COG5: variants seen among roughly 807,000 people sequenced by gnomAD.
The protein encoded by COG5 is component of oligomeric golgi complex 5.
COG5 carries 86 observed loss-of-function variants against 110.4 expected under a neutral mutation model. That is an observed-to-expected ratio of 0.78 (90% CI 0.65 to 0.93). The LOEUF (loss-of-function observed/expected upper bound fraction) is 0.93, where lower values mean the gene tolerates loss of function less well. COG5 is among the 40% of genes least tolerant of loss of function. The probability of loss-of-function intolerance (pLI) is 0.00; values close to 1 mark genes in which losing one functional copy is unlikely to be tolerated. For synonymous variants in COG5, 360 were observed against 334.6 expected (o/e 1.08, Z -0.83); for missense variants, 1,077 against 987.0 (o/e 1.09, Z -1.22).
At chr7:107,345,544 G>A (rs746298889) in intron 10 of COG5, among the ~76,000 whole-genome samples, 1 of 152,026 alleles carries the variant, frequency 6.6e-6, no homozygotes, top group Non-Finnish European at 1.5e-5. Flanking sequence ...AGTAGTGTTC[G>A]CCAGGGGAAA....
intron 6 of COG5, among the ~76,000 whole-genome samples, chr7:107,436,975 A>G (rs1794406939): frequency 6.6e-6 from 1 of 152,230 alleles, no homozygotes; most frequent in Non-Finnish European, 1.5e-5. Flanking sequence ...TAAGTAAGAC[A>G]TTTCAATGAC....
intron 7 of COG5, among the ~76,000 whole-genome samples, chr7:107,395,447 C>T (rs1460651702): frequency 2.0e-5 from 3 of 149,566 alleles, no homozygotes; most frequent in African/African-American, 7.4e-5. Flanking sequence ...CTATCTTTCA[C>T]TGTATAGACA....
intron 10 of COG5, among the ~76,000 whole-genome samples, chr7:107,349,448 G>T (rs1811932027): frequency 6.6e-6 from 1 of 152,108 alleles, no homozygotes; most frequent in African/African-American, 2.4e-5. Context: ...GCCCAGGCTG[G>T]AGTGCAGTGG....
chr7:107,351,576 T>G (rs561362550), intron 10 of COG5, among the ~76,000 whole-genome samples: 1 of 152,198 alleles, frequency 6.6e-6, no homozygotes, highest in East Asian at 1.9e-4. Flanking sequence ...AAAGGGCTAA[T>G]ATCTAGAATC....
chr7:107,364,373 T>A lies in COG5; in HGVS notation c.836-1953A>T, dbSNP rs184082945. On this transcript the variant is annotated intron_variant, in intron 8 of 21. Transcript: ENST00000297135. ...ATGATCCCTGATTGGTTTCATTGGT[T>A]TCAGTCAGGGGAAATCAACTTACAT... 2.2e-3 allele frequency among the ~76,000 whole-genome samples: 334 copies of A among 152,302 alleles called. 1 individual carries two copies. Among genetic ancestry groups the A allele is most frequent in the Non-Finnish European group, 4.1e-3 (281 of 68,014 alleles).
chr7:107,365,061 G>C (rs1022412225), intron 8 of COG5, among the ~76,000 whole-genome samples: 3 of 151,930 alleles, frequency 2.0e-5, no homozygotes, highest in African/African-American at 7.3e-5. Context: ...TCAAATTCCT[G>C]GAATATGTAT....
chr7:107,296,888 T>A (rs555214979), intron 12 of COG5, among the ~76,000 whole-genome samples: 1 of 152,226 alleles, frequency 6.6e-6, no homozygotes, highest in Non-Finnish European at 1.5e-5. Context: ...AAACTGCTAC[T>A]GCTTTAGCCA....
At chr7:107,315,142 T>A (rs1437742380) in intron 11 of COG5, among the ~76,000 whole-genome samples, 1 of 149,850 alleles carries the variant, frequency 6.7e-6, no homozygotes, top group Non-Finnish European at 1.5e-5. Flanking sequence ...GATCTCAACT[T>A]GCATACTATT....
chr7:107,296,505 T>C (rs2116905046), intron 12 of COG5, among the ~76,000 whole-genome samples: 1 of 152,006 alleles, frequency 6.6e-6, no homozygotes, highest in African/African-American at 2.4e-5. Context: ...TATAAAAGAG[T>C]TATTGAGAAG....
intron 6 of COG5, among the ~76,000 whole-genome samples, chr7:107,476,685 A>G (rs1389006005): frequency 6.6e-6 from 1 of 151,758 alleles, no homozygotes. Flanking sequence ...AAATTTAGCA[A>G]TAAGTTATTT....
intron 14 of COG5, among the ~76,000 whole-genome samples, chr7:107,275,811 A>G (rs1804660693): frequency 6.6e-6 from 1 of 151,970 alleles, no homozygotes. Context: ...GGCATGAGCC[A>G]CCATACCTGG....
chr7:107,289,680 T>C (rs1236996713), intron 12 of COG5, among the ~76,000 whole-genome samples: 1 of 152,188 alleles, frequency 6.6e-6, no homozygotes, highest in Non-Finnish European at 1.5e-5. Context: ...TTGAACAATA[T>C]TTTACAGTTT....
At chr7:107,236,401 G>A (rs749081518) in intron 18 of COG5, 49 bp downstream of exon 18, 1 of 1,291,570 alleles carries the variant, frequency 7.7e-7, no homozygotes, top group Non-Finnish European at 1.1e-6. Flanking sequence ...TTTAATAGAT[G>A]ATATTGAGGC....
intron 6 of COG5, among the ~76,000 whole-genome samples, chr7:107,434,479 A>G (rs929571492): frequency 6.6e-6 from 1 of 152,224 alleles, no homozygotes; most frequent in African/African-American, 2.4e-5. Context: ...CACTGGGTAC[A>G]GTGTGTACAC....
chr7:107,508,992 C>G (rs1040383520), intron 6 of COG5, among the ~76,000 whole-genome samples: 1 of 152,180 alleles, frequency 6.6e-6, no homozygotes, highest in Non-Finnish European at 1.5e-5. Flanking sequence ...CAGAGCGCCT[C>G]TCCTCCTCCA....
Position 107,474,580 on chromosome 7 carries a change from A to G in COG5, c.538+52657T>C, listed in dbSNP as rs1262602276. 5 of 1,610,422 alleles carry G rather than the reference A, an allele frequency of 3.1e-6. No individual in the cohort carries two copies. The highest frequency in any genetic ancestry group is 4.2e-6 in the Non-Finnish European group (5 of 1,178,364). ...GATTTTTTCTTTTTTCTCTTTCCTG[A>G]TTCCTTTTATTGAGGTAAATTTTTT... On this transcript the variant is annotated intron_variant, in intron 6 of 21. Coordinates refer to ENST00000297135, the MANE Select transcript of COG5 (RefSeq NM_006348.5). The surrounding 1 kb of genome is among the most constrained non-coding windows in gnomAD (Gnocchi z 5.7).
chr7:107,514,713 A>C (rs1443563441), intron 6 of COG5, among the ~76,000 whole-genome samples: 1 of 152,220 alleles, frequency 6.6e-6, no homozygotes, highest in Admixed American at 6.5e-5. Context: ...TGTTTTGTTC[A>C]GTGTCTTGTG....
At chr7:107,209,846 G>A in intron 21 of COG5, 1 of 985,640 alleles carries the variant, frequency 1.0e-6, no homozygotes, top group Non-Finnish European at 1.2e-6. Flanking sequence ...GTCAACTGTA[G>A]CTAAAGCTAC....
intron 21 of COG5, among the ~76,000 whole-genome samples, 163 bp from the exon 22 acceptor site, chr7:107,203,793 T>TGTTACTATG (rs1289680031): frequency 6.6e-6 from 1 of 152,234 alleles, no homozygotes; most frequent in Admixed American, 6.5e-5. Context: ...TTACTGGTAG[T>TGTTACTATG]GTTACTATGG....
Sources: gnomAD v4.1 joint callset for allele counts (sites outside exome capture counted in the v4.1 genomes callset) on GRCh38, gnomAD v4.1.1 for gene constraint, Gnocchi (gnomAD v3.1) non-coding constraint, MANE v1.5 for transcripts, NCBI Gene and HGNC (gene_info 2026-07-23, HGNC 2026-07-21) for gene names.